The following SYTL5 variants were observed in gnomAD, a reference collection of about 807,000 sequenced individuals.
SYTL5 encodes synaptotagmin-like protein 5.
SYTL5 carries 34 observed loss-of-function variants against 55.9 expected under a neutral mutation model. That is an observed-to-expected ratio of 0.61 (90% CI 0.46 to 0.81). The LOEUF is 0.81. Ranked by LOEUF, SYTL5 falls within the 30% of genes least tolerant of loss-of-function variation. The pLI is 0.00. For synonymous variants in SYTL5, 221 were observed against 188.7 expected, an observed-to-expected ratio of 1.17 and a Z score of -1.40; for missense variants, 637 against 546.7, an observed-to-expected ratio of 1.17 and a Z score of -1.65.
At chrX:37,957,697 A>G in the SYTL5 span, among the ~76,000 whole-genome samples, 1 of 112,055 alleles carries the variant, frequency 8.9e-6, no homozygotes, top group Non-Finnish European at 1.9e-5. Flanking sequence ...ACATTTTGAA[A>G]TAGTGAAGTA....
At chrX:37,960,774 A>ATTTG in the SYTL5 span, among the ~76,000 whole-genome samples, 2 of 62,551 alleles carry the variant, frequency 3.2e-5, no homozygotes, top group Non-Finnish European at 2.7e-5. Flanking sequence ...ATTTTTATTT[A>ATTTG]TTTATTTATT....
the SYTL5 span, among the ~76,000 whole-genome samples, chrX:37,917,985 C>G: frequency 9.0e-6 from 1 of 111,586 alleles, no homozygotes; most frequent in African/African-American, 3.3e-5. Context: ...CCCTGATGAT[C>G]AAGCAGTGTG....
At chrX:37,969,656 C>G in the SYTL5 span, among the ~76,000 whole-genome samples, 14 of 111,711 alleles carry the variant, frequency 1.3e-4, no homozygotes, top group Middle Eastern at 4.6e-3. Flanking sequence ...TTTTTTTGAC[C>G]GAGTCTTGCT....
chrX:38,078,511 C>T (rs1038363412), intron 6 of SYTL5, among the ~76,000 whole-genome samples: 4 of 110,877 alleles, frequency 3.6e-5, no homozygotes, highest in African/African-American at 9.8e-5. Context: ...CCACCCGCCT[C>T]GGCCTCCCAA....
chrX:37,897,940 T>C, the SYTL5 span, among the ~76,000 whole-genome samples: 1 of 111,151 alleles, frequency 9.0e-6, no homozygotes, highest in South Asian at 3.8e-4. Context: ...TCCACTAAAA[T>C]ACAAAAAATC....
intron 12 of SYTL5, 30 bp downstream of exon 12, chrX:38,108,729 T>C (rs1210620540): frequency 2.1e-6 from 2 of 970,028 alleles, no homozygotes; most frequent in Non-Finnish European, 2.9e-6. Context: ...TAGTAACTCA[T>C]GTGGTACTGT....
the SYTL5 span, among the ~76,000 whole-genome samples, chrX:37,926,222 G>T: frequency 8.9e-6 from 1 of 111,758 alleles, no homozygotes. Context: ...CTTCCCTGAC[G>T]ATTAGTGATG....
chrX:38,047,867 A>G (rs1935510075), intron 2 of SYTL5, among the ~76,000 whole-genome samples: 1 of 111,285 alleles, frequency 9.0e-6, no homozygotes, highest in Non-Finnish European at 1.9e-5. Context: ...AGGGCAGGGG[A>G]AAAATGCCAC....
chrX:38,044,888 G>T (rs983580609), intron 2 of SYTL5, among the ~76,000 whole-genome samples: 3 of 111,851 alleles, frequency 2.7e-5, no homozygotes, highest in African/African-American at 9.7e-5. Context: ...GACTTGGTTT[G>T]CTAATTACGT....
chrX:38,055,454 T>C (rs1379709584), intron 3 of SYTL5, among the ~76,000 whole-genome samples: 1 of 111,744 alleles, frequency 8.9e-6, no homozygotes, highest in Non-Finnish European at 1.9e-5. Context: ...TCCACTGGTA[T>C]GTTTTCTCCC....
At chrX:37,900,682 C>T in the SYTL5 span, among the ~76,000 whole-genome samples, 1 of 112,129 alleles carries the variant, frequency 8.9e-6, no homozygotes, top group African/African-American at 3.2e-5. Context: ...TGGTGTATAA[C>T]TTTGCTCCAG....
At chrX:38,018,885 A>C (rs1831755695) in intron 1 of SYTL5, among the ~76,000 whole-genome samples, 1 of 111,787 alleles carries the variant, frequency 8.9e-6, no homozygotes, top group South Asian at 3.8e-4. Context: ...ACACAGCTTT[A>C]GTTCCTAATC....
rs754180746 is a variant in SYTL5 at position 38,127,106 on chromosome X, G to C, written c.*376G>C. On this transcript the variant is annotated 3_prime_UTR_variant, in exon 17 of 17. Transcript: ENST00000297875. ...GAGAAAGAGGACCACTGAGAAGGTA[G>C]ATCACTTGAAAAGTCAGAAGAAAGG... 14 of 125,026 alleles carry C rather than the reference G, an allele frequency of 1.1e-4. No homozygotes were observed. The highest frequency in any genetic ancestry group is 2.2e-4 in the Non-Finnish European group (14 of 62,367). 10.3% of individuals were successfully genotyped at this position (125,026 alleles called of 1,213,427 possible).
At chrX:37,894,081 CA>C in the SYTL5 span, among the ~76,000 whole-genome samples, 6 of 110,733 alleles carry the variant, frequency 5.4e-5, no homozygotes, top group African/African-American at 2.0e-4. Flanking sequence ...TCTTGCCCTA[CA>C]AAAAAATGTC....
At chrX:37,934,591 TAGG>T in the SYTL5 span, among the ~76,000 whole-genome samples, 1 of 107,828 alleles carries the variant, frequency 9.3e-6, no homozygotes, top group East Asian at 2.9e-4. Context: ...GGAGTCCTAA[TAGG>T]AGAAGAGAGA....
chrX:37,926,689 A>AT, the SYTL5 span, among the ~76,000 whole-genome samples: 1 of 111,602 alleles, frequency 9.0e-6, no homozygotes, highest in Non-Finnish European at 1.9e-5. Flanking sequence ...TCTCTTAGCT[A>AT]TTTTTTAAAA....
At chrX:37,917,261 A>G in the SYTL5 span, among the ~76,000 whole-genome samples, 2 of 112,058 alleles carry the variant, frequency 1.8e-5, no homozygotes, top group Non-Finnish European at 1.9e-5. Context: ...TTAAGGAATC[A>G]GGAATTATGT....
chrX:38,088,422 TA>T (rs1010178454), intron 6 of SYTL5, among the ~76,000 whole-genome samples: 26 of 111,825 alleles, frequency 2.3e-4, no homozygotes, highest in Middle Eastern at 4.6e-3. Flanking sequence ...GTAAAACTCA[TA>T]AGGGCTTCTA....
chrX:37,977,137 A>G, the SYTL5 span, among the ~76,000 whole-genome samples: 1 of 111,741 alleles, frequency 8.9e-6, no homozygotes, highest in Non-Finnish European at 1.9e-5. Context: ...CAAGCACAGT[A>G]GATGAAAAAA....
Sources: allele counts gnomAD v4.1 joint callset (sites outside exome capture counted in the v4.1 genomes callset), GRCh38; gene constraint gnomAD v4.1.1; transcripts MANE v1.5; gene names NCBI Gene and HGNC (gene_info 2026-07-23, HGNC 2026-07-21).